The following MYO10 variants were observed in gnomAD, a reference collection of about 807,000 sequenced individuals.
MYO10 encodes myosin X, also known as unconventional myosin-X.
MYO10 carries 133 observed loss-of-function variants against 257.3 expected under a neutral mutation model. The observed-to-expected ratio is 0.52, with a 90% confidence interval of 0.45 to 0.60. The LOEUF (loss-of-function observed/expected upper bound fraction) is 0.60. MYO10 is among the 20% of genes least tolerant of loss of function. The pLI, the probability that MYO10 is intolerant of heterozygous loss-of-function variation, is 0.00. For missense variants in MYO10, 2,399 were observed against 2,635.7 expected (o/e 0.91, Z 1.97); for synonymous variants, 1,104 against 1,028.6 (o/e 1.07, Z -1.40).
chr5:16,729,674 G>A (rs912520018), intron 19 of MYO10, among the ~76,000 whole-genome samples: 1 of 152,072 alleles, frequency 6.6e-6, no homozygotes, highest in Admixed American at 6.5e-5. Context: ...TCGATCTCCT[G>A]ACCTTGTGAT....
At chr5:16,668,577 A>C in intron 39 of MYO10, 109 bp from the exon 40 acceptor site, 1 of 841,958 alleles carries the variant, frequency 1.2e-6, no homozygotes, top group Non-Finnish European at 1.7e-6. Flanking sequence ...AGAAGATTAA[A>C]TATATTCGAT....
chr5:16,822,358 TTGGC>T (rs1742846421), intron 2 of MYO10, among the ~76,000 whole-genome samples: 1 of 152,228 alleles, frequency 6.6e-6, no homozygotes, highest in Non-Finnish European at 1.5e-5. Context: ...TAAACATTGT[TTGGC>T]TGGTGTGTTC....
Position 16,898,813 on chromosome 5 carries a change from C to T in MYO10, c.22-21106G>A, listed in dbSNP as rs371721644. On this transcript the variant is annotated intron_variant, in intron 1 of 40. Transcript: ENST00000513610. ...TCACAAAGTCATAGTGGCTAAAGCA[C>T]TGGACAGACCAGTTCTAGATGCTAA... 3.2e-4 allele frequency among the ~76,000 whole-genome samples: 48 copies of T among 152,158 alleles called. 1 individual carries two copies. Among genetic ancestry groups the T allele is most frequent in the African/African-American group, 1.2e-3 (48 of 41,512 alleles).
chr5:16,764,500 T>A, intron 11 of MYO10, 104 bp from the exon 12 acceptor site: 1 of 1,273,974 alleles, frequency 7.8e-7, no homozygotes. Context: ...TAGCATAGCA[T>A]CTGGCCCTCC....
chr5:16,794,666 G>A lies in MYO10; in HGVS notation c.447C>T (p.Asp149=), dbSNP rs1431138583. The A allele has an allele frequency of 9.9e-6, 16 of 1,611,800 alleles. No individual in the cohort carries two copies. Among genetic ancestry groups the A allele is most frequent in the Non-Finnish European group, 1.2e-5 (14 of 1,178,976 alleles). ...GTTACCTGATGAGGATGCACTGGTT[G>A]TCGTGGCGCTTCCACAGGCAGCGGT... The part of the protein sequence containing the change: ...ECYRCLWKRH[D]NQCILISGES... Residue 149 remains aspartate, a synonymous_variant, in exon 4 of 41, where the codon GAC becomes GAT. Transcript: ENST00000513610.
intron 1 of MYO10, among the ~76,000 whole-genome samples, chr5:16,908,503 G>C (rs1365179705): frequency 6.6e-6 from 1 of 152,180 alleles, no homozygotes; most frequent in Admixed American, 6.6e-5. Flanking sequence ...ACTCCAGCCA[G>C]CAAGACTCTG....
intron 37 of MYO10, among the ~76,000 whole-genome samples, chr5:16,672,351 A>C (rs991107641): frequency 1.3e-5 from 2 of 151,482 alleles, no homozygotes; most frequent in African/African-American, 4.8e-5. Flanking sequence ...TAGTTTAAAG[A>C]GTTTATAAGC....
In MYO10 at chr5:16,825,391, C is replaced by T. The variant is rs182273715; in HGVS notation, c.121-7224G>A. Among the ~76,000 whole-genome samples the T allele has an allele frequency of 2.5e-3, 383 of 152,334 alleles. 2 individuals carry two copies. Among genetic ancestry groups the T allele is most frequent in the Non-Finnish European group, 3.7e-3 (249 of 68,024 alleles). ...CACCCTGGAACCTCTTGGTCAGGATCTTTCACACTCTTCTGACCACGACCC... is the reference window on the plus strand; with the variant it reads ...CACCCTGGAACCTCTTGGTCAGGATTTTTCACACTCTTCTGACCACGACCC... On this transcript the variant is annotated intron_variant, in intron 2 of 40. Transcript: ENST00000513610.
At chr5:16,871,272 T>C (rs1267080989) in intron 2 of MYO10, among the ~76,000 whole-genome samples, 1 of 152,214 alleles carries the variant, frequency 6.6e-6, no homozygotes, top group Non-Finnish European at 1.5e-5. Context: ...AGGACAGGCT[T>C]GATCAAGGAC....
chr5:16,878,222 T>C (rs1744660095), intron 1 of MYO10, among the ~76,000 whole-genome samples: 1 of 152,170 alleles, frequency 6.6e-6, no homozygotes, highest in African/African-American at 2.4e-5. Context: ...TCCGGTACAC[T>C]TGCCCACTTG....
chr5:16,884,484 C>G (rs994958740), intron 1 of MYO10, among the ~76,000 whole-genome samples: 1 of 152,182 alleles, frequency 6.6e-6, no homozygotes, highest in Middle Eastern at 3.2e-3. Flanking sequence ...GTAAATTCAA[C>G]AGCCAAAAGA....
intron 2 of MYO10, among the ~76,000 whole-genome samples, chr5:16,823,578 T>G (rs1742905377): frequency 6.9e-6 from 1 of 145,624 alleles, no homozygotes; most frequent in Admixed American, 7.1e-5. Flanking sequence ...TTCATGCCAT[T>G]CTCCTGCCTC....
intron 27 of MYO10, among the ~76,000 whole-genome samples, chr5:16,693,200 T>G (rs1737583262): frequency 6.6e-6 from 1 of 152,074 alleles, no homozygotes; most frequent in Non-Finnish European, 1.5e-5. Flanking sequence ...CCCAGGAAGT[T>G]GAGGCTGCAG....
At chr5:16,906,895 T>C (rs1745534281) in intron 1 of MYO10, among the ~76,000 whole-genome samples, 1 of 152,130 alleles carries the variant, frequency 6.6e-6, no homozygotes, top group Non-Finnish European at 1.5e-5. Flanking sequence ...GTGGATCACC[T>C]GAGGTCAGGA....
At chr5:16,933,055 G>C (rs140599674) in intron 1 of MYO10, among the ~76,000 whole-genome samples, 1 of 152,106 alleles carries the variant, frequency 6.6e-6, no homozygotes, top group Non-Finnish European at 1.5e-5. Flanking sequence ...CACCGCACCC[G>C]GCCAAATCCT....
intron 1 of MYO10, among the ~76,000 whole-genome samples, chr5:16,928,714 A>G (rs2434964): frequency 0.47 from 70,654 of 150,562 alleles, 16,840 homozygotes; most frequent in African/African-American, 0.53. Context: ...GTGTGGTGGC[A>G]GGCGCCTGTA....
At chr5:16,822,387 C>T (rs990213534) in intron 2 of MYO10, among the ~76,000 whole-genome samples, 2 of 152,030 alleles carry the variant, frequency 1.3e-5, no homozygotes, top group African/African-American at 2.4e-5. Context: ...CACTGGGGAT[C>T]GAGCTTACAT....
intron 14 of MYO10, 70 bp downstream of exon 14, chr5:16,763,411 G>C: frequency 8.3e-7 from 1 of 1,210,038 alleles, no homozygotes; most frequent in Non-Finnish European, 1.2e-6. Context: ...ACGTTATTTT[G>C]TTCCCATAAA....
At chr5:16,715,044 A>C (rs1218082059) in intron 19 of MYO10, among the ~76,000 whole-genome samples, 5 of 151,828 alleles carry the variant, frequency 3.3e-5, no homozygotes, top group Non-Finnish European at 7.4e-5. Context: ...TGATTATTAC[A>C]CGTCATATGC....
Sources: gnomAD v4.1 joint callset for allele counts (sites outside exome capture counted in the v4.1 genomes callset) on GRCh38, gnomAD v4.1.1 for gene constraint, MANE v1.5 for transcripts, NCBI Gene and HGNC (gene_info 2026-07-23, HGNC 2026-07-21) for gene names.